Variants in MTUS2 observed in about 807,000 individuals in gnomAD.
MTUS2 encodes the protein microtubule-associated tumor suppressor candidate 2.
MTUS2 carries 40 observed loss-of-function variants against 114.1 expected under a neutral mutation model. That is an observed-to-expected ratio of 0.35 (90% CI 0.27 to 0.46). The LOEUF (loss-of-function observed/expected upper bound fraction) is 0.46. Among genes scored for constraint, MTUS2 ranks in the 20% least tolerant of loss-of-function variants. The pLI, the probability that MTUS2 is intolerant of heterozygous loss-of-function variation, is 1.00. For synonymous variants in MTUS2, 688 were observed against 672.0 expected, an observed-to-expected ratio of 1.02 and a Z score of -0.37; for missense variants, 1,679 against 1,705.4, an observed-to-expected ratio of 0.98 and a Z score of 0.27.
intron 5 of MTUS2, among the ~76,000 whole-genome samples, chr13:29,236,534 A>G (rs576356565): frequency 2.0e-5 from 3 of 152,354 alleles, no homozygotes; most frequent in South Asian, 4.1e-4. Context: ...AAAGGCAACC[A>G]TGCAGACTCT....
chr13:29,454,321 A>C (rs922749678), intron 9 of MTUS2, among the ~76,000 whole-genome samples: 39 of 152,342 alleles, frequency 2.6e-4, no homozygotes, highest in Admixed American at 6.5e-4. Context: ...GTGAGGTGTC[A>C]TCTGGAGAGA....
chr13:29,090,584 G>C (rs1423362507), intron 4 of MTUS2, among the ~76,000 whole-genome samples: 1 of 152,192 alleles, frequency 6.6e-6, no homozygotes, highest in South Asian at 2.1e-4. Flanking sequence ...GGCTCCTGGT[G>C]AAAGAACTAT....
chr13:29,010,610 C>T (rs980265781), intron 2 of MTUS2, among the ~76,000 whole-genome samples: 1 of 151,936 alleles, frequency 6.6e-6, no homozygotes, highest in Non-Finnish European at 1.5e-5. Context: ...TCAGCCTGTC[C>T]GTCTGCTTGG....
chr13:29,503,462 T>G lies in MTUS2; in HGVS notation c.*256T>G. The G allele has an allele frequency of 1.7e-6, 1 of 576,256 alleles. No homozygotes were observed. The allele number at this position is 576,256 out of a possible 1,614,324, so 35.7% of individuals were successfully genotyped here. A position where few individuals can be genotyped will look rare whatever the true frequency, so the allele number is the denominator to read the frequency against. The stretch of plus-strand genomic sequence containing the variant: ...AAAGAAAGACACTTGCAATTGTTCT[T>G]GAGCAATGAACTTTCACTGCAGAAT... On this transcript the variant is annotated 3_prime_UTR_variant, in exon 16 of 16. Transcript: ENST00000612955.
chr13:28,945,080 TTA>T (rs900518700), intron 2 of MTUS2, among the ~76,000 whole-genome samples: 10 of 152,186 alleles, frequency 6.6e-5, no homozygotes, highest in Non-Finnish European at 1.3e-4. Flanking sequence ...GTATTTGACT[TTA>T]TGTTTCTGAA....
At chr13:29,289,680 T>A (rs1898629450) in intron 6 of MTUS2, among the ~76,000 whole-genome samples, 1 of 152,088 alleles carries the variant, frequency 6.6e-6, no homozygotes, top group African/African-American at 2.4e-5. Context: ...TTGGCCAGGC[T>A]GGTCTTGAAC....
At chr13:29,097,569 T>G (rs752748913) in intron 4 of MTUS2, among the ~76,000 whole-genome samples, 1 of 152,244 alleles carries the variant, frequency 6.6e-6, no homozygotes, top group Non-Finnish European at 1.5e-5. Flanking sequence ...GCTAAATGTC[T>G]TAGTTCCAGC....
At chr13:29,299,209 A>G (rs1593275928) in intron 6 of MTUS2, among the ~76,000 whole-genome samples, 2 of 152,342 alleles carry the variant, frequency 1.3e-5, no homozygotes, top group South Asian at 4.1e-4. Flanking sequence ...TTGGAGAGCC[A>G]CATGAGTGCA....
intron 2 of MTUS2, among the ~76,000 whole-genome samples, chr13:28,882,967 A>G (rs557656332): frequency 1.2e-3 from 181 of 152,336 alleles, no homozygotes; most frequent in African/African-American, 4.1e-3. Flanking sequence ...AAACAATCCA[A>G]TTTGAAAATG....
intron 5 of MTUS2, among the ~76,000 whole-genome samples, chr13:29,148,472 C>CTTTT (rs976334425): frequency 1.2e-3 from 83 of 71,376 alleles, no homozygotes; most frequent in African/African-American, 3.3e-3. Context: ...GTTTGGTTTT[C>CTTTT]TTTTTTTTTT....
chr13:29,069,305 T>A (rs1888802270), intron 4 of MTUS2, among the ~76,000 whole-genome samples: 1 of 152,144 alleles, frequency 6.6e-6, no homozygotes, highest in Non-Finnish European at 1.5e-5. Flanking sequence ...TGGTATAGAT[T>A]CCAGTCTGAG....
At chr13:28,847,568 G>C (rs188439171) in intron 2 of MTUS2, among the ~76,000 whole-genome samples, 1 of 152,298 alleles carries the variant, frequency 6.6e-6, no homozygotes, top group African/African-American at 2.4e-5. Context: ...TCTTGTTGTG[G>C]CTCTGGCAAA....
Position 29,501,332 on chromosome 13 carries a change from G to GAACA in MTUS2, c.3896+142_3896+145dup. On this transcript the variant is annotated intron_variant, in intron 15 of 15. Transcript: ENST00000612955. Reference sequence around the variant, plus strand: ...GTTTTCCCCAAGACCTGAAGAACAAGAACAAACCCCTGCGGCCATCTTGCC... The same window carrying GAACA: ...GTTTTCCCCAAGACCTGAAGAACAAGAACAAACAAACCCCTGCGGCCATCTTGCC... The GAACA allele has an allele frequency of 4.5e-6, 3 of 661,246 alleles. No individual in the cohort carries two copies. In the East Asian group the frequency reaches 8.4e-5, roughly 18 times the overall value. The allele number at this position is 661,246 out of a possible 1,614,324, so 41.0% of individuals were successfully genotyped here.
intron 11 of MTUS2, among the ~76,000 whole-genome samples, chr13:29,492,060 GGT>G (rs1181135416): frequency 2.0e-5 from 3 of 148,112 alleles, no homozygotes; most frequent in Non-Finnish European, 4.5e-5. Flanking sequence ...GTGTGTGGTA[GGT>G]GTGTATGTGT....
intron 8 of MTUS2, among the ~76,000 whole-genome samples, chr13:29,429,890 T>G (rs1439621674): frequency 6.6e-6 from 1 of 152,238 alleles, no homozygotes; most frequent in Non-Finnish European, 1.5e-5. Flanking sequence ...AGTCTGCTTA[T>G]GAACTTTGAC....
rs547260325 is a variant in MTUS2 at position 28,962,963 on chromosome 13, T to G, written c.-242-61494T>G. ...CCATCAGTATCCCCCCTTTCTACTC[T>G]ATCATTTCCAAACAACTCATAAACA... On this transcript the variant is annotated intron_variant, in intron 2 of 15. Coordinates refer to ENST00000612955, the MANE Select transcript of MTUS2 (RefSeq NM_001033602.4). Among the ~76,000 whole-genome samples, 41 of 152,266 alleles carry G rather than the reference T, an allele frequency of 2.7e-4. No homozygotes were observed. The Middle Eastern group carries it at 0.01, about 38-fold the overall frequency.
chr13:28,980,773 T>C (rs1375542033), intron 2 of MTUS2, among the ~76,000 whole-genome samples: 1 of 152,230 alleles, frequency 6.6e-6, no homozygotes, highest in South Asian at 2.1e-4. Flanking sequence ...TTTTTGTCGT[T>C]GTTGTTTGTT....
At chr13:29,157,175 G>A (rs1167169810) in intron 5 of MTUS2, among the ~76,000 whole-genome samples, 3 of 152,096 alleles carry the variant, frequency 2.0e-5, no homozygotes, top group African/African-American at 7.2e-5. Context: ...ACTAAGCTGT[G>A]AGGAGCATAT....
At chr13:29,456,126 T>G (rs1879090856) in intron 9 of MTUS2, among the ~76,000 whole-genome samples, 1 of 152,108 alleles carries the variant, frequency 6.6e-6, no homozygotes, top group African/African-American at 2.4e-5. Context: ...ATGTTATGAG[T>G]AAACAGGTAG....
Sources: gnomAD v4.1 joint callset for allele counts (sites outside exome capture counted in the v4.1 genomes callset) on GRCh38, gnomAD v4.1.1 for gene constraint, MANE v1.5 for transcripts, NCBI Gene and HGNC (gene_info 2026-07-23, HGNC 2026-07-21) for gene names.